The following AGA variants were observed in gnomAD, a reference collection of about 807,000 sequenced individuals.
The protein encoded by AGA is aspartylglucosaminidase.
A neutral mutation model predicts 40.1 loss-of-function variants in AGA; 31 were observed. That is an observed-to-expected ratio of 0.77 (90% CI 0.58 to 1.04). The LOEUF is 1.04. Among genes scored for constraint, AGA ranks in the 50% least tolerant of loss-of-function variants. The pLI is 0.00. For missense variants in AGA, 445 were observed against 435.4 expected (o/e 1.02, Z -0.20); for synonymous variants, 148 against 144.0 (o/e 1.03, Z -0.20).
In AGA at chr4:177,436,357, A is replaced by G. The variant is rs753309242; in HGVS notation, c.623-6T>C. The G allele has an allele frequency of 2.3e-5, 37 of 1,611,110 alleles. No homozygotes were observed. In the South Asian group the frequency reaches 4.1e-4, roughly 18 times the overall value. ...CTTATGGATTACAACCATGCCTAGA[A>G]GTTAAAAAAAAAAAATCACTGTAGG... On this transcript the variant is annotated splice_polypyrimidine_tract_variant and splice_region_variant and intron_variant, in intron 5 of 8. Transcript: ENST00000264595.
In AGA at chr4:177,434,394, C is replaced by A. The variant is rs375663828; in HGVS notation, c.794G>T (p.Arg265Leu). The A allele has an allele frequency of 1.9e-6, 3 of 1,613,924 alleles. No homozygotes were observed. The South Asian group carries it at 3.3e-5, about 18-fold the overall frequency. Residue 265 changes from arginine to leucine, a missense_variant, in exon 7 of 9, where the codon CGC (arginine) becomes CTC (leucine). Physicochemically the swap from Arg to Leu is moderately radical, Grantham distance 102. Transcript: ENST00000264595. ...TAAGAAGTCATACCTTGGCAGGAAGCGCATCAATATATCACCATTCCCAGT... is the reference window on the plus strand; with the variant it reads ...TAAGAAGTCATACCTTGGCAGGAAGAGCATCAATATATCACCATTCCCAGT... ...AATGNGDILM[R>L]FLPSYQAVEY...
chr4:177,431,816 C>A lies in AGA; in HGVS notation c.941-8G>T, dbSNP rs1458091976. 1.9e-6 allele frequency: 3 copies of A among 1,608,514 alleles called. No homozygotes were observed. Among genetic ancestry groups the A allele is most frequent in the Non-Finnish European group, 2.6e-6 (3 of 1,175,354 alleles). On this transcript the variant is annotated splice_region_variant and splice_polypyrimidine_tract_variant and intron_variant, in intron 8 of 8. Transcript: ENST00000264595. ...GTTTATTGCAAGCAGCACCTGGGGC[C>A]AAAAATGAGAAAGAAGTTTGGTGAA...
chr4:177,435,348 T>C (rs1736776893), intron 6 of AGA, among the ~76,000 whole-genome samples: 1 of 152,224 alleles, frequency 6.6e-6, no homozygotes, highest in Admixed American at 6.5e-5. Context: ...CAAATACACA[T>C]AATTTTCATT....
chr4:177,436,377 T>C (rs1369012734), intron 5 of AGA, 26 bp from the exon 6 acceptor site: 2 of 1,551,540 alleles, frequency 1.3e-6, no homozygotes, highest in South Asian at 2.2e-5. Flanking sequence ...AAAAAATCAC[T>C]GTAGGTGTAT....
At position 177,438,758 on chromosome 4, in the gene AGA, G is replaced by C. The variant is rs184031039; in HGVS notation, c.494C>G (p.Pro165Arg). Reference protein sequence around the residue: ...HSDWLARNCQPNYWRNVIPDP... With the variant: ...HSDWLARNCQRNYWRNVIPDP... Reference sequence around the variant, plus strand: ...ATGTGTGCATACCCTCCAATAATTTGGCTGGCAATTCCGAGCAAGCCAATC... The same window carrying C: ...ATGTGTGCATACCCTCCAATAATTTCGCTGGCAATTCCGAGCAAGCCAATC... The change falls in exon 4 of 9, where the codon CCA (proline) becomes CGA (arginine). Residue 165 changes from proline to arginine, a missense_variant. By Grantham distance (103) the Pro-to-Arg change is moderately radical. Coordinates refer to ENST00000264595, the MANE Select transcript of AGA (RefSeq NM_000027.4). 9 of 1,589,574 alleles carry C rather than the reference G, an allele frequency of 5.7e-6. No homozygotes were observed.
chr4:177,440,214 A>C (rs936963111), intron 2 of AGA, 59 bp downstream of exon 2: 1 of 1,597,124 alleles, frequency 6.3e-7, no homozygotes, highest in Non-Finnish European at 8.6e-7. Context: ...TTGCTCTCAG[A>C]AGACCACAAC....
At position 177,439,492 on chromosome 4, in the gene AGA, G is replaced by A; in HGVS notation, c.394+84C>T. ...CAGCTGGAATTTGAACTTAGATCTG[G>A]TTTTATCCATGATTTTGTACTATTT... On this transcript the variant is annotated intron_variant, in intron 3 of 8. Transcript: ENST00000264595. 3 of 1,021,494 alleles carry A rather than the reference G, an allele frequency of 2.9e-6. No individual in the cohort carries two copies. The South Asian group carries it at 3.8e-5, about 13-fold the overall frequency. The allele number at this position is 1,021,494 out of a possible 1,614,324, so 63.3% of individuals were successfully genotyped here.
chr4:177,440,524 T>C lies in AGA; in HGVS notation c.128-98A>G, dbSNP rs1041415731. ...TCCAATTTAACAACTTTTTCACATTTACTGAGTTAAGCTGATTTTTTAACA... is the reference window on the plus strand; with the variant it reads ...TCCAATTTAACAACTTTTTCACATTCACTGAGTTAAGCTGATTTTTTAACA... On this transcript the variant is annotated intron_variant, in intron 1 of 8. Transcript: ENST00000264595. The C allele has an allele frequency of 6.0e-6, 8 of 1,343,530 alleles. No homozygotes were observed. In the African/African-American group the frequency reaches 1.2e-4, roughly 20 times the overall value. 83.2% of individuals were successfully genotyped at this position (1,343,530 alleles called of 1,614,324 possible).
In AGA at chr4:177,442,313, C is replaced by A; in HGVS notation, c.63G>T (p.Val21=). 6.2e-7 allele frequency: 1 copy of A among 1,614,142 alleles called. No homozygotes were observed. The highest frequency in any genetic ancestry group is 8.5e-7 in the Non-Finnish European group (1 of 1,179,960). ...CCAGGGGCAGAGGGCTGGAGCAGCG[C>A]ACTAGGGCCTGGCAGAGCAGAAACG... ...LVPFLLCQAL[V]RCSSPLPLVV... is the part of the protein sequence containing the mutation. Residue 21 remains valine (V), a synonymous_variant, in exon 1 of 9, where the codon GTG becomes GTT. Transcript: ENST00000264595.
At chr4:177,436,231 C>A in intron 6 of AGA, 45 bp downstream of exon 6, 1 of 1,488,932 alleles carries the variant, frequency 6.7e-7, no homozygotes, top group Admixed American at 1.7e-5. Flanking sequence ...TATTGCTCTG[C>A]ATTCAGTGTA....
At chr4:177,434,741 A>T (rs1736752954) in intron 6 of AGA, among the ~76,000 whole-genome samples, 2 of 152,128 alleles carry the variant, frequency 1.3e-5, no homozygotes, top group Non-Finnish European at 2.9e-5. Context: ...ACAGAGACTA[A>T]AATGGTGGTT....
chr4:177,437,125 G>C, intron 5 of AGA: 1 of 385,780 alleles, frequency 2.6e-6, no homozygotes, highest in East Asian at 5.7e-5. Flanking sequence ...AGTTATTTAA[G>C]GTCACTAAAA....
In AGA at chr4:177,438,737, G is replaced by A. The variant is rs1371366618; in HGVS notation, c.507+8C>T. The A allele has an allele frequency of 2.0e-6, 3 of 1,527,576 alleles. No individual in the cohort carries two copies. The highest frequency in any genetic ancestry group is 2.7e-5 in the African/African-American group (2 of 73,092). 94.6% of individuals were successfully genotyped at this position (1,527,576 alleles called of 1,614,324 possible). On this transcript the variant is annotated splice_region_variant and intron_variant, in intron 4 of 8. Transcript: ENST00000264595. Reference sequence around the variant, plus strand: ...TAACTTATTTTTTTAAATTAAATGTGTGCATACCCTCCAATAATTTGGCTG... The same window carrying A: ...TAACTTATTTTTTTAAATTAAATGTATGCATACCCTCCAATAATTTGGCTG...
intron 8 of AGA, among the ~76,000 whole-genome samples, chr4:177,432,967 C>T (rs963262262): frequency 2.0e-5 from 3 of 152,160 alleles, no homozygotes; most frequent in Admixed American, 6.5e-5. Flanking sequence ...ATTTAAGACA[C>T]ATGTGAAAGA....
intron 4 of AGA, 36 bp from the exon 5 acceptor site, chr4:177,437,555 G>T: frequency 6.8e-7 from 1 of 1,477,932 alleles, no homozygotes; most frequent in Non-Finnish European, 9.4e-7. Context: ...TCTTACAAAG[G>T]GTATTTTTAG....
At chr4:177,434,582 C>A in intron 6 of AGA, 93 bp from the exon 7 acceptor site, 1 of 995,788 alleles carries the variant, frequency 1.0e-6, no homozygotes, top group South Asian at 1.3e-5. Context: ...TTCCACTTAG[C>A]CTCTGATACC....
intron 4 of AGA, 54 bp from the exon 5 acceptor site, chr4:177,437,573 C>A: frequency 2.3e-6 from 3 of 1,297,996 alleles, no homozygotes; most frequent in South Asian, 1.2e-5. Context: ...TAGAAATTGC[C>A]AAGAAATTAT....
intron 8 of AGA, 137 bp downstream of exon 8, chr4:177,433,077 G>A (rs1490358644): frequency 2.5e-6 from 3 of 1,218,634 alleles, no homozygotes; most frequent in Non-Finnish European, 3.5e-6. Context: ...GATCATCAAT[G>A]AACATTTACT....
intron 6 of AGA, among the ~76,000 whole-genome samples, chr4:177,435,846 TGCAC>T (rs1187477594): frequency 4.8e-5 from 1 of 20,952 alleles, no homozygotes; most frequent in South Asian, 2.7e-3. Context: ...TAGTTCTGCG[TGCAC>T]GCACACACAC....
Sources: allele counts gnomAD v4.1 joint callset (sites outside exome capture counted in the v4.1 genomes callset), GRCh38; gene constraint gnomAD v4.1.1; transcripts MANE v1.5; gene names NCBI Gene and HGNC (gene_info 2026-07-23, HGNC 2026-07-21).